The following RSPH9 variants were observed in gnomAD, a reference collection of about 807,000 sequenced individuals.
The protein encoded by RSPH9 is radial spoke head component 9.
In RSPH9, 27 loss-of-function variants were observed where a neutral mutation model predicts 27.0. The ratio of observed to expected loss-of-function variants is 1.00; its 90% CI spans 0.74 to 1.38. The LOEUF (loss-of-function observed/expected upper bound fraction) is 1.38, where lower values mean the gene tolerates loss of function less well. RSPH9 is among the 40% of genes most tolerant of loss of function. The pLI is 0.00. For missense variants in RSPH9, 347 were observed against 357.4 expected, an observed-to-expected ratio of 0.97 and a Z score of 0.24; for synonymous variants, 145 against 147.7, an observed-to-expected ratio of 0.98 and a Z score of 0.13.
intron 1 of RSPH9, among the ~76,000 whole-genome samples, chr6:43,648,545 A>C (rs149328367): frequency 5.3e-5 from 8 of 152,358 alleles, no homozygotes; most frequent in African/African-American, 1.9e-4. Flanking sequence ...GAGGAGTAGG[A>C]AACAATCATG....
chr6:43,668,768 C>T (rs1773406435), intron 4 of RSPH9, among the ~76,000 whole-genome samples: 1 of 152,194 alleles, frequency 6.6e-6, no homozygotes, highest in African/African-American at 2.4e-5. Flanking sequence ...TGCAAGCTGC[C>T]CTCCCTCAGT....
At chr6:43,664,185 A>G (rs558690600) in intron 4 of RSPH9, among the ~76,000 whole-genome samples, 2 of 152,300 alleles carry the variant, frequency 1.3e-5, no homozygotes, top group East Asian at 1.9e-4. Flanking sequence ...GTGAAGAGCA[A>G]TATATCAAAG....
chr6:43,649,647 G>A (rs917349196), intron 1 of RSPH9, among the ~76,000 whole-genome samples: 1 of 152,054 alleles, frequency 6.6e-6, no homozygotes, highest in Non-Finnish European at 1.5e-5. Context: ...CCTGGTGAGT[G>A]CTCCCGAAGG....
chr6:43,666,225 C>A (rs777312797), intron 4 of RSPH9, among the ~76,000 whole-genome samples: 1 of 152,114 alleles, frequency 6.6e-6, no homozygotes, highest in Admixed American at 6.5e-5. Flanking sequence ...TTTTCCTCCC[C>A]GGTCCCCTTT....
At chr6:43,664,202 T>G (rs1004557317) in intron 4 of RSPH9, among the ~76,000 whole-genome samples, 1 of 151,898 alleles carries the variant, frequency 6.6e-6, no homozygotes, top group Non-Finnish European at 1.5e-5. Context: ...AAAGTAAACC[T>G]GTGATGATGA....
intron 1 of RSPH9, among the ~76,000 whole-genome samples, chr6:43,646,163 G>A (rs1262997755): frequency 2.6e-5 from 4 of 151,518 alleles, no homozygotes; most frequent in African/African-American, 9.7e-5. Flanking sequence ...ACGGAGTCTC[G>A]CTCTGTCGCC....
Position 43,672,028 on chromosome 6 carries a change from C to T in RSPH9, c.*1079C>T, listed in dbSNP as rs748437660. 929 of 1,196,526 alleles carry T rather than the reference C, an allele frequency of 7.8e-4. 1 individual carries two copies. Among genetic ancestry groups the T allele is most frequent in the Non-Finnish European group, 9.4e-4 (821 of 876,282 alleles). The allele number at this position is 1,196,526 out of a possible 1,614,324, so 74.1% of individuals were successfully genotyped here. A position where few individuals can be genotyped will look rare whatever the true frequency, so the allele number is the denominator to read the frequency against. ...GGCAAGCAAATCCTTTCACCAGTTT[C>T]CCTTTCCTGAAGTGCAGGGATTTTC... On this transcript the variant is annotated 3_prime_UTR_variant, in exon 5 of 5. Transcript: ENST00000372163.
At chr6:43,659,417 C>T (rs1269174840) in intron 4 of RSPH9, among the ~76,000 whole-genome samples, 3 of 150,686 alleles carry the variant, frequency 2.0e-5, no homozygotes, top group Admixed American at 1.3e-4. Flanking sequence ...GAGTCTCGCT[C>T]TGTCGCCCAG....
At chr6:43,662,681 C>G (rs1173944744) in intron 4 of RSPH9, among the ~76,000 whole-genome samples, 1 of 152,194 alleles carries the variant, frequency 6.6e-6, no homozygotes, top group African/African-American at 2.4e-5. Flanking sequence ...GTTTCACTTT[C>G]TTATCATTTG....
chr6:43,649,300 C>CAG (rs998876808), intron 1 of RSPH9, among the ~76,000 whole-genome samples: 10 of 151,778 alleles, frequency 6.6e-5, no homozygotes, highest in African/African-American at 2.4e-4. Flanking sequence ...AGTGATTCTC[C>CAG]TGCCTTAGCC....
chr6:43,657,785 A>G (rs1463268371), intron 4 of RSPH9, among the ~76,000 whole-genome samples: 1 of 152,164 alleles, frequency 6.6e-6, no homozygotes, highest in Non-Finnish European at 1.5e-5. Context: ...CCTCATTTCT[A>G]AAAAGGGGAG....
At chr6:43,668,740 C>T (rs1289145088) in intron 4 of RSPH9, among the ~76,000 whole-genome samples, 1 of 152,184 alleles carries the variant, frequency 6.6e-6, no homozygotes, top group East Asian at 1.9e-4. Context: ...TCCAGGGCAG[C>T]ACCTAGCCCA....
chr6:43,655,152 T>C (rs1771871552), intron 2 of RSPH9, among the ~76,000 whole-genome samples: 1 of 152,214 alleles, frequency 6.6e-6, no homozygotes, highest in Admixed American at 6.5e-5. Context: ...ATTATCCAAA[T>C]ATTCTACAGT....
At chr6:43,660,924 A>G (rs1772548022) in intron 4 of RSPH9, among the ~76,000 whole-genome samples, 1 of 152,220 alleles carries the variant, frequency 6.6e-6, no homozygotes, top group Non-Finnish European at 1.5e-5. Context: ...TCACTCCTTG[A>G]TCCATGGCTG....
At chr6:43,662,898 GCA>G (rs1245080166) in intron 4 of RSPH9, among the ~76,000 whole-genome samples, 1 of 152,126 alleles carries the variant, frequency 6.6e-6, no homozygotes, top group African/African-American at 2.4e-5. Flanking sequence ...CTGGGCTCAA[GCA>G]ATCCTCCTGC....
intron 4 of RSPH9, among the ~76,000 whole-genome samples, chr6:43,658,464 T>C (rs1463928471): frequency 6.6e-6 from 1 of 152,170 alleles, no homozygotes; most frequent in African/African-American, 2.4e-5. Flanking sequence ...TGCAATAGCA[T>C]TGTGTCTAAA....
At chr6:43,669,182 G>T (rs1290072140) in intron 4 of RSPH9, among the ~76,000 whole-genome samples, 2 of 152,226 alleles carry the variant, frequency 1.3e-5, no homozygotes, top group Non-Finnish European at 2.9e-5. Flanking sequence ...TCTTGATGTT[G>T]TCCAGCAGGC....
intron 4 of RSPH9, among the ~76,000 whole-genome samples, chr6:43,661,648 G>A (rs185413915): frequency 4.2e-4 from 48 of 115,482 alleles, no homozygotes; most frequent in African/African-American, 1.3e-3. Context: ...GTGACAGAGC[G>A]AGACTCTGTC....
rs900714215 is a variant in RSPH9, at chr6:43,670,786, C to G, written c.671-3C>G. On this transcript the variant is annotated splice_polypyrimidine_tract_variant and splice_region_variant and intron_variant, in intron 4 of 4. Transcript: ENST00000372163. The stretch of plus-strand genomic sequence containing the variant: ...GCCTCACCTCCTGCCTGTCTTATCT[C>G]AGGGTCCTGGAGCATCCAGATGGAG... 1 of 1,613,898 alleles carries G rather than the reference C, an allele frequency of 6.2e-7. No individual in the cohort carries two copies. The highest frequency in any genetic ancestry group is 1.3e-5 in the African/African-American group (1 of 74,928).
Sources: gnomAD v4.1 joint callset for allele counts (sites outside exome capture counted in the v4.1 genomes callset) on GRCh38, gnomAD v4.1.1 for gene constraint, MANE v1.5 for transcripts, NCBI Gene and HGNC (gene_info 2026-07-23, HGNC 2026-07-21) for gene names.